Variants in NCOR2 observed in about 807,000 individuals in gnomAD.
NCOR2 encodes the protein CTG repeat protein 26.
Under a neutral mutation model 262.9 loss-of-function variants are expected in NCOR2, and 81 were observed. The ratio of observed to expected loss-of-function variants is 0.31; its 90% confidence interval spans 0.26 to 0.37. The LOEUF (loss-of-function observed/expected upper bound fraction) is 0.37. Among genes scored for constraint, NCOR2 ranks in the 10% least tolerant of loss-of-function variants. NCOR2 has a pLI of 1.00. For synonymous variants in NCOR2, 1,659 were observed against 1,559.3 expected (o/e 1.06, Z -1.51); for missense variants, 3,385 against 3,621.4 (o/e 0.93, Z 1.68).
At chr12:124,335,514 G>A (rs1229491733) in exon 39 of NCOR2, 3 of 1,608,334 alleles carry the variant, frequency 1.9e-6, no homozygotes, top group East Asian at 2.2e-5. Flanking sequence ...CCCCCTCCAG[G>A]TGGCTCTTGT....
intron 8 of NCOR2, among the ~76,000 whole-genome samples, chr12:124,437,115 AAAATGAAATGAAATGTAATG>A (rs1467415932): frequency 1.3e-5 from 2 of 148,996 alleles, no homozygotes; most frequent in Non-Finnish European, 3.0e-5. Flanking sequence ...ATAAACAAAT[AAAATGAAATGAAATGTAATG>A]AAATGAAATG....
intron 1 of NCOR2, chr12:124,514,540 G>A (rs925446322): frequency 6.6e-6 from 1 of 152,214 alleles, no homozygotes; most frequent in African/African-American, 2.4e-5. Flanking sequence ...TCAGGAAAGG[G>A]TGTTCCCAGA....
chr12:124,502,766 T>A lies in NCOR2; in HGVS notation c.-117-7398A>T, dbSNP rs150307114. Among the ~76,000 whole-genome samples, 486 of 152,204 alleles carry A rather than the reference T, an allele frequency of 3.2e-3. 4 individuals are homozygous for A. The highest frequency in any genetic ancestry group is 0.011 in the African/African-American group (466 of 41,536). The stretch of plus-strand genomic sequence containing the variant: ...TCCTGTGGCAAGTCTGCCTCTGGCG[T>A]CTCTGTGTTCAAAGGACACTGTAGC... On this transcript the variant is annotated intron_variant, in intron 1 of 46. Coordinates refer to the NCOR2 transcript ENST00000404621.
chr12:124,344,731 G>A (rs1422734998), exon 32 of NCOR2: 15 of 1,543,060 alleles, frequency 9.7e-6, no homozygotes, highest in South Asian at 8.4e-5. Flanking sequence ...CACAATGACC[G>A]GGGCGCCGCG....
intron 13 of NCOR2, among the ~76,000 whole-genome samples, chr12:124,412,738 CCTA>C (rs1393778064): frequency 6.6e-6 from 1 of 152,248 alleles, no homozygotes; most frequent in Non-Finnish European, 1.5e-5. Flanking sequence ...TCAGCAGCGT[CCTA>C]GACCAACGCC....
At position 124,356,391 on chromosome 12, in the gene NCOR2, C is replaced by T. The variant is rs1184446581; in HGVS notation, c.3241+251G>A. On this transcript the variant is annotated intron_variant, in intron 23 of 46. Transcript: ENST00000405201. ...TAAGCCGTCAACGGAAAACATAGCTCCCACTCTAAGCCTGCCCCTCACCAG... is the reference window on the plus strand; with the variant it reads ...TAAGCCGTCAACGGAAAACATAGCTTCCACTCTAAGCCTGCCCCTCACCAG... Among the ~76,000 whole-genome samples, 4 of 152,330 alleles carry T rather than the reference C, an allele frequency of 2.6e-5. No homozygotes were observed. In the South Asian group the frequency reaches 8.3e-4, roughly 32 times the overall value.
At chr12:124,474,760 G>A (rs2047009266) in intron 3 of NCOR2, among the ~76,000 whole-genome samples, 1 of 152,124 alleles carries the variant, frequency 6.6e-6, no homozygotes, top group Non-Finnish European at 1.5e-5. Flanking sequence ...CTCAATAAAT[G>A]TTGGCTGGGA....
At chr12:124,408,080 C>T (rs1008027180) in intron 13 of NCOR2, among the ~76,000 whole-genome samples, 2 of 152,188 alleles carry the variant, frequency 1.3e-5, no homozygotes, top group African/African-American at 4.8e-5. Flanking sequence ...CGTGGCGGGG[C>T]GCGGTGGCTC....
chr12:124,344,034 G>A (rs2036696158), intron 32 of NCOR2, among the ~76,000 whole-genome samples: 2 of 152,226 alleles, frequency 1.3e-5, no homozygotes, highest in Non-Finnish European at 2.9e-5. Context: ...CTGAGGGATG[G>A]AAAGAAACCC....
Position 124,398,201 on chromosome 12 carries a change from T to A in NCOR2, c.1814-20A>T. 1 of 1,613,738 alleles carries A rather than the reference T, an allele frequency of 6.2e-7. No homozygotes were observed. Among genetic ancestry groups the A allele is most frequent in the Non-Finnish European group, 8.5e-7 (1 of 1,179,630 alleles). On this transcript the variant is annotated intron_variant, in intron 15 of 46. Transcript: ENST00000405201. ...TGGAGGCTGAAAAGAAGATGCCAGG[T>A]TATTGGCAGGAGCCGGGAGAGGAGG...
intron 9 of NCOR2, 132 bp downstream of exon 11, chr12:124,430,483 T>C (rs947861390): frequency 9.2e-7 from 1 of 1,081,786 alleles, no homozygotes; most frequent in Non-Finnish European, 1.3e-6. Context: ...CAGGGTCTGG[T>C]AGGGCCCTGG....
chr12:124,399,510 C>A (rs1448524827), intron 15 of NCOR2, among the ~76,000 whole-genome samples: 1 of 152,136 alleles, frequency 6.6e-6, no homozygotes, highest in East Asian at 1.9e-4. Context: ...GGCTCTGTGG[C>A]CAATGGGGCT....
Position 124,448,654 on chromosome 12 carries a change from CCA to C in NCOR2, c.815+1159_815+1160del, listed in dbSNP as rs1243749957. On this transcript the variant is annotated intron_variant, in intron 7 of 46. Transcript: ENST00000405201. The stretch of plus-strand genomic sequence containing the variant: ...GGCTGCTGCAACAATGACCAGGTGG[CCA>C]AGTTGATCACCTGAGCTTGGACCAG... 1.5e-4 allele frequency among the ~76,000 whole-genome samples: 5 copies of C among 33,864 alleles called. No homozygotes were observed. In the East Asian group the frequency reaches 4.4e-3, roughly 30 times the overall value. The allele number at this position is 33,864 out of a possible 152,430, so 22.2% of individuals were successfully genotyped here.
chr12:124,374,456 A>G, exon 19 of NCOR2: 1 of 1,612,612 alleles, frequency 6.2e-7, no homozygotes. Context: ...TCCCAGAGGC[A>G]TGTAAGGCTG....
chr12:124,499,793 G>T (rs565450698), upstream of NCOR2, among the ~76,000 whole-genome samples: 30 of 152,298 alleles, frequency 2.0e-4, no homozygotes, highest in African/African-American at 6.0e-4. Context: ...TGGTTGCGGG[G>T]GAGAGTAAAG....
upstream of NCOR2, chr12:124,495,422 T>C: frequency 1.5e-6 from 2 of 1,325,390 alleles, no homozygotes; most frequent in South Asian, 3.1e-5. This position sits in a 1 kb window ranked among gnomAD's most constrained non-coding sequence, Gnocchi z 4.4. Context: ...AGCTGGCTCC[T>C]CCGTGCACAG....
At chr12:124,333,883 T>C (rs112608434) in intron 41 of NCOR2, among the ~76,000 whole-genome samples, 60,755 of 92,264 alleles carry the variant, frequency 0.66, 17,318 homozygotes, top group Non-Finnish European at 0.73. Flanking sequence ...TGTGCGGGTG[T>C]GCATGTGTGT....
In NCOR2 at chr12:124,374,544, G is replaced by T. The variant is rs140392194; in HGVS notation, c.2168-81C>A. On this transcript the variant is annotated intron_variant, in intron 18 of 46. Coordinates refer to ENST00000405201, the Ensembl canonical transcript of NCOR2. The stretch of plus-strand genomic sequence containing the variant: ...GAGGGAGGAGGCAACGTGGCCAAGA[G>T]GGGCCTGAAGCCCAGTGCACAGCAG... 4,427 of 1,356,742 alleles carry T rather than the reference G, an allele frequency of 3.3e-3. 50 individuals are homozygous for T. Among genetic ancestry groups the T allele is most frequent in the South Asian group, 0.024 (1,967 of 81,180 alleles). The allele number at this position is 1,356,742 out of a possible 1,614,324, so 84.0% of individuals were successfully genotyped here.
chr12:124,445,465 C>T (rs1306813052), intron 7 of NCOR2, among the ~76,000 whole-genome samples: 4 of 152,224 alleles, frequency 2.6e-5, no homozygotes, highest in South Asian at 2.1e-4. Flanking sequence ...ATCGTCTGTG[C>T]GGCAGGAAGT....
Sources: gnomAD v4.1 joint callset for allele counts (sites outside exome capture counted in the v4.1 genomes callset) on GRCh38, gnomAD v4.1.1 for gene constraint, Gnocchi (gnomAD v3.1) non-coding constraint, MANE v1.5 for transcripts, NCBI Gene and HGNC (gene_info 2026-07-23, HGNC 2026-07-21) for gene names.